PHKB: variants seen among roughly 807,000 people sequenced by gnomAD.
PHKB encodes the protein phosphorylase b kinase regulatory subunit beta.
A neutral mutation model predicts 152.1 loss-of-function variants in PHKB; 122 were observed. The observed-to-expected ratio is 0.80, with a 90% CI of 0.69 to 0.93. The LOEUF is 0.93. Ranked by LOEUF, PHKB falls within the 40% of genes least tolerant of loss-of-function variation. PHKB has a pLI of 0.00. For missense variants in PHKB, 1,304 were observed against 1,328.4 expected (o/e 0.98, Z 0.29); for synonymous variants, 436 against 464.9 (o/e 0.94, Z 0.80).
At chr16:47,558,985 T>G (rs1193825885) in intron 7 of PHKB, among the ~76,000 whole-genome samples, 1 of 152,234 alleles carries the variant, frequency 6.6e-6, no homozygotes, top group Non-Finnish European at 1.5e-5. Context: ...TGTGTTCGCC[T>G]TTTGAATAAG....
intron 7 of PHKB, among the ~76,000 whole-genome samples, chr16:47,575,416 G>A (rs1397529919): frequency 6.6e-6 from 1 of 152,136 alleles, no homozygotes; most frequent in Non-Finnish European, 1.5e-5. Flanking sequence ...GTTTATCGCA[G>A]CATAATTCAC....
Position 47,661,844 on chromosome 16 carries a change from A to G in PHKB, c.2278+44A>G, listed in dbSNP as rs766024032. The G allele has an allele frequency of 6.9e-6, 8 of 1,167,232 alleles. No individual in the cohort carries two copies. The East Asian group carries it at 1.4e-4, about 20-fold the overall frequency. The allele number at this position is 1,167,232 out of a possible 1,614,324, so 72.3% of individuals were successfully genotyped here. A position where few individuals can be genotyped will look rare whatever the true frequency, so the allele number is the denominator to read the frequency against. On this transcript the variant is annotated intron_variant, in intron 23 of 30. Transcript: ENST00000323584. ...GAGAACATTTTAAGAGGACCTCTCT[A>G]GCCTTGAACATATATCAAATATGCA...
At chr16:47,538,383 C>G (rs895148624) in intron 6 of PHKB, among the ~76,000 whole-genome samples, 2 of 152,174 alleles carry the variant, frequency 1.3e-5, no homozygotes, top group Admixed American at 1.3e-4. Flanking sequence ...GGACCCTGAT[C>G]AATATTCAAA....
At chr16:47,502,794 TAA>T (rs1001455286) in intron 3 of PHKB, among the ~76,000 whole-genome samples, 195 bp from the exon 4 acceptor site, 4 of 152,232 alleles carry the variant, frequency 2.6e-5, no homozygotes, top group Non-Finnish European at 5.9e-5. Context: ...AAAATCTGCC[TAA>T]GTTTCATCAT....
At chr16:47,535,517 A>G (rs1970936526) in intron 6 of PHKB, among the ~76,000 whole-genome samples, 1 of 152,190 alleles carries the variant, frequency 6.6e-6, no homozygotes, top group South Asian at 2.1e-4. Flanking sequence ...GTTTGGTTAT[A>G]CTGATTTATT....
chr16:47,654,554 A>T (rs1299532219), intron 20 of PHKB, among the ~76,000 whole-genome samples: 1 of 152,110 alleles, frequency 6.6e-6, no homozygotes, highest in Non-Finnish European at 1.5e-5. Context: ...AACCAACCCA[A>T]ATGTCCAACA....
At chr16:47,698,283 T>C (rs1974186203) in intron 29 of PHKB, among the ~76,000 whole-genome samples, 165 bp from the exon 30 acceptor site, 1 of 152,234 alleles carries the variant, frequency 6.6e-6, no homozygotes, top group African/African-American at 2.4e-5. Flanking sequence ...CCAAACAGAA[T>C]TTATGCAAAT....
intron 1 of PHKB, among the ~76,000 whole-genome samples, chr16:47,493,074 T>G (rs924344021): frequency 6.6e-6 from 1 of 152,198 alleles, no homozygotes; most frequent in African/African-American, 2.4e-5. Flanking sequence ...ACAGGGGAGA[T>G]CAGGCTCCTC....
At chr16:47,679,723 A>G (rs1195234431) in intron 26 of PHKB, among the ~76,000 whole-genome samples, 1 of 152,196 alleles carries the variant, frequency 6.6e-6, no homozygotes, top group Non-Finnish European at 1.5e-5. Context: ...AAACAGGGAC[A>G]ATTTGACTTC....
chr16:47,603,092 C>G (rs1431139118), intron 13 of PHKB, among the ~76,000 whole-genome samples: 1 of 152,192 alleles, frequency 6.6e-6, no homozygotes, highest in Non-Finnish European at 1.5e-5. Context: ...ACCTGGAAAT[C>G]TAATGCTTTT....
intron 14 of PHKB, among the ~76,000 whole-genome samples, chr16:47,636,781 G>A (rs1362551088): frequency 6.6e-6 from 1 of 152,212 alleles, no homozygotes; most frequent in East Asian, 1.9e-4. Flanking sequence ...ACCATGGACA[G>A]CATGTTGATG....
intron 14 of PHKB, among the ~76,000 whole-genome samples, chr16:47,617,482 CT>C (rs1263069812): frequency 6.6e-6 from 1 of 151,922 alleles, no homozygotes; most frequent in Non-Finnish European, 1.5e-5. Context: ...CTCTATTCTA[CT>C]TTTTGTGTGT....
chr16:47,504,784 C>T (rs748981682), intron 4 of PHKB, among the ~76,000 whole-genome samples: 27 of 152,252 alleles, frequency 1.8e-4, no homozygotes, highest in African/African-American at 6.3e-4. Context: ...GCCGCCTTGG[C>T]GCAGTGAAGG....
At chr16:47,547,299 G>T in intron 6 of PHKB, 134 bp from the exon 7 acceptor site, 1 of 665,478 alleles carries the variant, frequency 1.5e-6, no homozygotes, top group South Asian at 1.6e-5. Context: ...GGTCATGCTG[G>T]TCTCAAACTC....
intron 27 of PHKB, among the ~76,000 whole-genome samples, chr16:47,692,698 G>A (rs961681519): frequency 2.6e-5 from 4 of 152,012 alleles, no homozygotes; most frequent in African/African-American, 9.7e-5. Flanking sequence ...AGCAGTTTGT[G>A]AATGATGTAT....
chr16:47,696,018 C>T (rs941033170), intron 28 of PHKB, among the ~76,000 whole-genome samples: 1 of 152,138 alleles, frequency 6.6e-6, no homozygotes, highest in Non-Finnish European at 1.5e-5. Flanking sequence ...GACTTCTGTG[C>T]GGGAGCCTGA....
At chr16:47,523,450 C>T (rs926698430) in intron 6 of PHKB, among the ~76,000 whole-genome samples, 1 of 152,176 alleles carries the variant, frequency 6.6e-6, no homozygotes, top group Non-Finnish European at 1.5e-5. Flanking sequence ...ATGCTTTGAA[C>T]GAATCAGTCT....
chr16:47,655,321 T>C (rs758962584), intron 20 of PHKB, among the ~76,000 whole-genome samples: 1 of 152,222 alleles, frequency 6.6e-6, no homozygotes, highest in Non-Finnish European at 1.5e-5. Context: ...GACTTAATTT[T>C]AAAAGATGTT....
chr16:47,609,323 T>G (rs892522275), intron 13 of PHKB, among the ~76,000 whole-genome samples: 1 of 151,992 alleles, frequency 6.6e-6, no homozygotes, highest in Non-Finnish European at 1.5e-5. Flanking sequence ...TGAGGATTTT[T>G]GTGTCTATAT....
Sources: gnomAD v4.1 joint callset for allele counts (sites outside exome capture counted in the v4.1 genomes callset) on GRCh38, gnomAD v4.1.1 for gene constraint, MANE v1.5 for transcripts, NCBI Gene and HGNC (gene_info 2026-07-23, HGNC 2026-07-21) for gene names.